FBXL5: variants seen among roughly 807,000 people sequenced by gnomAD.
FBXL5 encodes the protein F-box and leucine rich repeat protein 5, also known as F-box/LRR-repeat protein 5.
In FBXL5, 26 loss-of-function variants were observed where a neutral mutation model predicts 78.3. The ratio of observed to expected loss-of-function variants is 0.33; its 90% confidence interval spans 0.24 to 0.46. FBXL5 has a LOEUF of 0.46. Ranked by LOEUF, FBXL5 falls within the 20% of genes least tolerant of loss-of-function variation. The pLI is 1.00. For synonymous variants in FBXL5, 295 were observed against 282.5 expected, an observed-to-expected ratio of 1.04 and a Z score of -0.45; for missense variants, 710 against 829.2, an observed-to-expected ratio of 0.86 and a Z score of 1.77.
intron 3 of FBXL5, among the ~76,000 whole-genome samples, 158 bp from the exon 4 acceptor site, chr4:15,638,852 A>G (rs1714541089): frequency 1.3e-5 from 2 of 152,226 alleles, no homozygotes; most frequent in South Asian, 4.1e-4. Context: ...TTATCTAAAA[A>G]TTGCAGAGAA....
chr4:15,611,421 A>G (rs755649789), intron 10 of FBXL5, among the ~76,000 whole-genome samples: 100 of 152,088 alleles, frequency 6.6e-4, no homozygotes, highest in Non-Finnish European at 1.1e-3. Context: ...AATAGGGCGC[A>G]GTATAAAAAG....
intron 10 of FBXL5, among the ~76,000 whole-genome samples, chr4:15,607,386 TTAAA>T (rs1212002457): frequency 6.6e-6 from 1 of 152,312 alleles, no homozygotes; most frequent in East Asian, 1.9e-4. Flanking sequence ...AAATGAGAAG[TTAAA>T]TATGTTAAAT....
chr4:15,610,465 T>A (rs1422385452), intron 10 of FBXL5, among the ~76,000 whole-genome samples: 5 of 152,064 alleles, frequency 3.3e-5, no homozygotes, highest in Non-Finnish European at 7.4e-5. Flanking sequence ...GATATCTTCA[T>A]CACAATTCAT....
At chr4:15,629,153 T>G (rs1713372915) in intron 6 of FBXL5, among the ~76,000 whole-genome samples, 1 of 152,124 alleles carries the variant, frequency 6.6e-6, no homozygotes, top group African/African-American at 2.4e-5. Context: ...CAGTTTAGTC[T>G]TTAATAATCA....
intron 9 of FBXL5, among the ~76,000 whole-genome samples, chr4:15,615,159 G>A (rs972365161): frequency 6.6e-6 from 1 of 152,164 alleles, no homozygotes; most frequent in Admixed American, 6.5e-5. Context: ...TGCGGGGCAG[G>A]GCTCGGGACC....
rs1721753358 is a variant in FBXL5 at position 15,604,467 on chromosome 4, G to C, written c.*1256C>G. The C allele has an allele frequency of 6.6e-6, 1 of 151,596 alleles. No individual in the cohort carries two copies. Among genetic ancestry groups the C allele is most frequent in the Non-Finnish European group, 1.5e-5 (1 of 68,032 alleles). The allele number at this position is 151,596 out of a possible 1,614,324, so 9.4% of individuals were successfully genotyped here. ...ATAGTAACAACAATCACTGGCCACA[G>C]ATCACCACAACAGATTTAATAATAG... On this transcript the variant is annotated 3_prime_UTR_variant, in exon 11 of 11. Coordinates refer to ENST00000341285, the MANE Select transcript of FBXL5 (RefSeq NM_012161.4).
chr4:15,644,687 T>C lies in FBXL5; in HGVS notation c.106A>G (p.Asn36Asp). The C allele has an allele frequency of 6.2e-7, 1 of 1,608,650 alleles. No homozygotes were observed. The highest frequency in any genetic ancestry group is 2.2e-5 in the East Asian group (1 of 44,768). The change falls in exon 2 of 11, where the codon AAC becomes GAC. Residue 36 changes from asparagine (N) to aspartate (D), a missense_variant. Asn to Asp is a conservative substitution (Grantham distance 23). This residue lies in a region of FBXL5 where 132 missense variants were observed against 156.9 expected (regional missense o/e 0.84). Coordinates refer to ENST00000341285, the MANE Select transcript of FBXL5 (RefSeq NM_012161.4). The part of the protein sequence containing the change: ...CDKLSKTNFS[N>D]NNDFRALLQS... ...AGAAGAGCACGGAAATCGTTGTTGTTGGAAAAATTGGTTTTAGAAAGCTGA... is the reference window on the plus strand; with the variant it reads ...AGAAGAGCACGGAAATCGTTGTTGTCGGAAAAATTGGTTTTAGAAAGCTGA...
rs748419353 is a variant in FBXL5 at position 15,625,511 on chromosome 4, T to G, written c.1591A>C (p.Ser531Arg). The part of the protein sequence containing the change: ...FSKDIVGLRT[S>R]VCWQQHCASP... ...GCACAATGCTGCTGCCAACAGACAC[T>G]AGTCCTTAGTCCAACAATGTCCTTA... The change falls in exon 9 of 11, where the codon AGT becomes CGT. Residue 531 changes from serine (S) to arginine (R), a missense_variant. This residue lies in a region of FBXL5 where 517 missense variants were observed against 542.9 expected (regional missense o/e 0.95). Transcript: ENST00000341285. 1 of 1,614,108 alleles carries G rather than the reference T, an allele frequency of 6.2e-7. No individual in the cohort carries two copies. Among genetic ancestry groups the G allele is most frequent in the South Asian group, 1.1e-5 (1 of 91,070 alleles).
At chr4:15,628,787 A>G (rs1216393985) in intron 6 of FBXL5, among the ~76,000 whole-genome samples, 1 of 77,824 alleles carries the variant, frequency 1.3e-5, no homozygotes, top group Non-Finnish European at 2.9e-5. Flanking sequence ...ACACACACAC[A>G]CGCACACACA....
At chr4:15,657,984 C>T (rs1426171336), upstream of FBXL5, among the ~76,000 whole-genome samples, 1 of 152,206 alleles carries the variant, frequency 6.6e-6, no homozygotes, top group South Asian at 2.1e-4. Flanking sequence ...TGAAAACCCA[C>T]ATTGTAGAAT....
chr4:15,636,286 T>C (rs973470961), intron 5 of FBXL5: 1 of 410,232 alleles, frequency 2.4e-6, no homozygotes, highest in Non-Finnish European at 4.3e-6. Flanking sequence ...TTCCTAATTT[T>C]TTTTAATTAC....
intron 9 of FBXL5, among the ~76,000 whole-genome samples, chr4:15,622,996 T>A (rs1478571414): frequency 6.6e-6 from 1 of 152,220 alleles, no homozygotes; most frequent in East Asian, 1.9e-4. Flanking sequence ...GTTCTAAGGT[T>A]GATAATATCA....
upstream of FBXL5, among the ~76,000 whole-genome samples, chr4:15,661,552 T>G (rs540583121): frequency 6.6e-6 from 1 of 152,308 alleles, no homozygotes; most frequent in East Asian, 1.9e-4. Context: ...ATTCTACAAA[T>G]TAACTGGAGA....
chr4:15,628,528 C>T (rs546128394), intron 6 of FBXL5, among the ~76,000 whole-genome samples: 2 of 152,200 alleles, frequency 1.3e-5, no homozygotes, highest in African/African-American at 2.4e-5. Flanking sequence ...GGAAAAAACA[C>T]ACTACACTAA....
chr4:15,664,107 T>C (rs953065561), upstream of FBXL5, among the ~76,000 whole-genome samples: 3 of 152,246 alleles, frequency 2.0e-5, no homozygotes, highest in African/African-American at 7.2e-5. Flanking sequence ...AGAGCTTCTA[T>C]CTTTTTAGGT....
chr4:15,661,988 G>A (rs1010394241), upstream of FBXL5, among the ~76,000 whole-genome samples: 1 of 152,228 alleles, frequency 6.6e-6, no homozygotes, highest in Non-Finnish European at 1.5e-5. Context: ...TAATATGGTA[G>A]CTTGCTTTCC....
chr4:15,633,201 A>G (rs1399149736), intron 5 of FBXL5, among the ~76,000 whole-genome samples: 3 of 152,230 alleles, frequency 2.0e-5, no homozygotes. Context: ...AAACTATGGA[A>G]ACAGAATAAT....
intron 1 of FBXL5, among the ~76,000 whole-genome samples, chr4:15,647,552 A>T (rs1715499125): frequency 6.6e-6 from 1 of 152,166 alleles, no homozygotes; most frequent in Non-Finnish European, 1.5e-5. Context: ...ACATACAGGG[A>T]ATTTTGCATA....
chr4:15,677,271 A>T (rs1348987081), intron 1 of FBXL5, among the ~76,000 whole-genome samples: 1 of 152,212 alleles, frequency 6.6e-6, no homozygotes, highest in Non-Finnish European at 1.5e-5. Flanking sequence ...GTATAATAAA[A>T]AATATATTTA....
Sources: gnomAD v4.1 joint callset for allele counts (sites outside exome capture counted in the v4.1 genomes callset) on GRCh38, gnomAD v4.1.1 for gene constraint, gnomAD v4.1.1 regional missense constraint, MANE v1.5 for transcripts, NCBI Gene and HGNC (gene_info 2026-07-23, HGNC 2026-07-21) for gene names.